The following UST variants were observed in gnomAD, a reference collection of about 807,000 sequenced individuals.
UST encodes the protein chondroitin sulfate 2-O-sulfotransferase.
Under a neutral mutation model 45.6 loss-of-function variants are expected in UST, and 21 were observed. The ratio of observed to expected loss-of-function variants is 0.46; its 90% CI spans 0.33 to 0.66. The LOEUF (loss-of-function observed/expected upper bound fraction) is 0.66. Among genes scored for constraint, UST ranks in the 30% least tolerant of loss-of-function variants. The probability of loss-of-function intolerance (pLI) is 0.02; values close to 1 mark genes in which losing one functional copy is unlikely to be tolerated. For synonymous variants in UST, 215 were observed against 200.6 expected (o/e 1.07, Z -0.61); for missense variants, 463 against 512.4 (o/e 0.90, Z 0.93).
At position 149,074,135 on chromosome 6, in the gene UST, A is replaced by T. The variant is rs371281097; in HGVS notation, c.*19A>T. 52 of 1,607,320 alleles carry T rather than the reference A, an allele frequency of 3.2e-5. No individual in the cohort carries two copies. Among genetic ancestry groups the T allele is most frequent in the Non-Finnish European group, 3.8e-5 (45 of 1,175,028 alleles). On this transcript the variant is annotated 3_prime_UTR_variant, in exon 8 of 8. Coordinates refer to ENST00000367463, the MANE Select transcript of UST (RefSeq NM_005715.3). ...GAGGTGATGTGACTGTGTTGCCTCTATGGCTTTATCTCCCTTTTCCAGAAA... is the reference window on the plus strand; with the variant it reads ...GAGGTGATGTGACTGTGTTGCCTCTTTGGCTTTATCTCCCTTTTCCAGAAA...
At chr6:148,951,731 C>T (rs762862624) in intron 3 of UST, among the ~76,000 whole-genome samples, 2 of 152,158 alleles carry the variant, frequency 1.3e-5, no homozygotes, top group Admixed American at 6.5e-5. Context: ...AAGATCAAAC[C>T]GGCTGAGAGC....
chr6:148,752,990 A>C (rs1275037735), intron 1 of UST, among the ~76,000 whole-genome samples: 1 of 152,210 alleles, frequency 6.6e-6, no homozygotes, highest in Non-Finnish European at 1.5e-5. Context: ...TGATATACAT[A>C]AATCCCTTTT....
chr6:149,016,081 T>G (rs2115016848), intron 5 of UST, among the ~76,000 whole-genome samples: 1 of 152,282 alleles, frequency 6.6e-6, no homozygotes. Flanking sequence ...CTCTGGATCT[T>G]CCGGTCCAGT....
intron 1 of UST, among the ~76,000 whole-genome samples, chr6:148,799,534 A>G (rs1397351775): frequency 6.6e-6 from 1 of 152,176 alleles, no homozygotes; most frequent in Non-Finnish European, 1.5e-5. Flanking sequence ...CTTCTTGTTC[A>G]GGGAATGTAT....
chr6:148,778,452 G>A (rs186268604), intron 1 of UST, among the ~76,000 whole-genome samples: 1 of 152,268 alleles, frequency 6.6e-6, no homozygotes, highest in African/African-American at 2.4e-5. Flanking sequence ...ACATACTAGG[G>A]CCTTGTGGGT....
rs77464732 is a variant in UST at position 148,770,690 on chromosome 6, C to T, written c.247+23013C>T. Among the ~76,000 whole-genome samples the T allele has an allele frequency of 6.4e-3, 978 of 152,252 alleles. 9 individuals carry two copies. Among genetic ancestry groups the T allele is most frequent in the Non-Finnish European group, 7.1e-3 (481 of 68,018 alleles). On this transcript the variant is annotated intron_variant, in intron 1 of 7. Transcript: ENST00000367463. ...CTTTACAGTTTATAAAGTACTTGCACCTTTGTTGTCACGTGCACCTCTTCC... is the reference window on the plus strand; with the variant it reads ...CTTTACAGTTTATAAAGTACTTGCATCTTTGTTGTCACGTGCACCTCTTCC...
intron 1 of UST, among the ~76,000 whole-genome samples, chr6:148,804,127 G>A (rs1392587490): frequency 2.0e-5 from 3 of 152,176 alleles, no homozygotes; most frequent in Non-Finnish European, 4.4e-5. Context: ...AGGGCAACTG[G>A]CCTCCTTTTG....
intron 1 of UST, among the ~76,000 whole-genome samples, chr6:148,881,058 G>A (rs889346558): frequency 1.3e-5 from 2 of 151,892 alleles, no homozygotes; most frequent in African/African-American, 4.8e-5. Flanking sequence ...AACCGTTAGT[G>A]TAGTGTTGTT....
At chr6:148,839,021 G>A (rs1243596064) in intron 1 of UST, among the ~76,000 whole-genome samples, 1 of 152,160 alleles carries the variant, frequency 6.6e-6, no homozygotes, top group Non-Finnish European at 1.5e-5. Context: ...GTTGTTCATT[G>A]AGTACCTACT....
intron 1 of UST, among the ~76,000 whole-genome samples, chr6:148,868,159 A>C (rs1778480887): frequency 6.6e-6 from 1 of 150,478 alleles, no homozygotes. Flanking sequence ...TCCCTTTTGC[A>C]CCATGATAAT....
chr6:149,014,154 G>C lies in UST; in HGVS notation c.682-4985G>C, dbSNP rs150856378. ...CTGTGAAAATTCGCTGACAGGGAGG[G>C]AGTAGGAGGTGTCCAGGCCTCCAGC... On this transcript the variant is annotated intron_variant, in intron 5 of 7. Transcript: ENST00000367463. 5.7e-3 allele frequency among the ~76,000 whole-genome samples: 873 copies of C among 152,342 alleles called. 9 individuals carry two copies. Among genetic ancestry groups the C allele is most frequent in the African/African-American group, 0.02 (829 of 41,584 alleles).
chr6:149,004,709 A>T (rs1474601551), intron 5 of UST, among the ~76,000 whole-genome samples: 1 of 152,240 alleles, frequency 6.6e-6, no homozygotes, highest in Non-Finnish European at 1.5e-5. Flanking sequence ...GCTCAGATAC[A>T]GGCAGCAAAA....
chr6:149,073,711 C>A, intron 7 of UST, 122 bp from the exon 8 acceptor site: 1 of 1,126,228 alleles, frequency 8.9e-7, no homozygotes, highest in Non-Finnish European at 1.3e-6. Flanking sequence ...TCTTCTAATA[C>A]TTGGATATGC....
intron 1 of UST, among the ~76,000 whole-genome samples, chr6:148,855,173 A>C (rs994690100): frequency 6.6e-6 from 1 of 152,166 alleles, no homozygotes; most frequent in African/African-American, 2.4e-5. Flanking sequence ...CTCTCCCTTG[A>C]CACGTGGGAC....
At chr6:148,769,008 C>A (rs1352240954) in intron 1 of UST, among the ~76,000 whole-genome samples, 2 of 152,238 alleles carry the variant, frequency 1.3e-5, no homozygotes, top group African/African-American at 4.8e-5. Flanking sequence ...CCACTGTCCT[C>A]CCTGGACCTC....
intron 2 of UST, among the ~76,000 whole-genome samples, chr6:148,919,444 G>GTGTGTGTGTGTA (rs4047184): frequency 6.0e-4 from 89 of 147,560 alleles, no homozygotes; most frequent in African/African-American, 2.1e-3. Context: ...GTGTGTGTGT[G>GTGTGTGTGTGTA]TACACTTCTG....
chr6:148,816,517 G>T (rs537917602), intron 1 of UST, among the ~76,000 whole-genome samples: 2 of 152,308 alleles, frequency 1.3e-5, no homozygotes, highest in Non-Finnish European at 2.9e-5. Flanking sequence ...ATGTGTAAAA[G>T]AAGTTAATAG....
chr6:148,998,040 G>A lies in UST; in HGVS notation c.682-21099G>A, dbSNP rs922482210. Among the ~76,000 whole-genome samples the A allele has an allele frequency of 3.3e-5, 5 of 152,270 alleles. No individual in the cohort carries two copies. The South Asian group carries it at 6.2e-4, about 19-fold the overall frequency. ...TTGCGTTCTTAAGCCAAAACTATTA[G>A]ACTATTGCATGTGAAAGAAAACGAA... On this transcript the variant is annotated intron_variant, in intron 5 of 7. Transcript: ENST00000367463.
At chr6:148,874,875 C>T (rs1778619650) in intron 1 of UST, among the ~76,000 whole-genome samples, 4 of 152,188 alleles carry the variant, frequency 2.6e-5, no homozygotes, top group African/African-American at 9.7e-5. Context: ...GTGGCATTAG[C>T]ATAATTTCTT....
Sources: gnomAD v4.1 joint callset for allele counts (sites outside exome capture counted in the v4.1 genomes callset) on GRCh38, gnomAD v4.1.1 for gene constraint, MANE v1.5 for transcripts, NCBI Gene and HGNC (gene_info 2026-07-23, HGNC 2026-07-21) for gene names.